EEPD1: variants seen among roughly 807,000 people sequenced by gnomAD.
EEPD1 encodes endonuclease/exonuclease/phosphatase family domain containing 1.
In EEPD1, 17 loss-of-function variants were observed where a neutral mutation model predicts 46.3. That is an observed-to-expected ratio of 0.37 (90% CI 0.25 to 0.55). EEPD1 has a LOEUF of 0.55. EEPD1 is among the 20% of genes least tolerant of loss of function. The pLI is 0.83. For missense variants in EEPD1, 673 were observed against 745.6 expected (o/e 0.90, Z 1.13); for synonymous variants, 313 against 315.6 (o/e 0.99, Z 0.09).
intron 2 of EEPD1, among the ~76,000 whole-genome samples, chr7:36,174,154 G>A (rs532422034): frequency 7.9e-5 from 12 of 152,256 alleles, no homozygotes; most frequent in Admixed American, 1.3e-4. Flanking sequence ...TGCTGCAGTC[G>A]GGTCCTTACC....
At chr7:36,183,888 T>TTTTTTTTTTTTTTG (rs3053348) in intron 2 of EEPD1, among the ~76,000 whole-genome samples, 10 of 135,474 alleles carry the variant, frequency 7.4e-5, no homozygotes, top group Non-Finnish European at 1.2e-4. Context: ...TTTTTTTTTT[T>TTTTTTTTTTTTTTG]ATTTTTAAAA....
chr7:36,255,880 T>C (rs751111179), intron 3 of EEPD1, among the ~76,000 whole-genome samples: 2 of 152,200 alleles, frequency 1.3e-5, no homozygotes, highest in African/African-American at 2.4e-5. Flanking sequence ...TTTGAATTTG[T>C]TTGCTCATGC....
chr7:36,223,540 G>A (rs1054098228), intron 2 of EEPD1, among the ~76,000 whole-genome samples: 1 of 152,012 alleles, frequency 6.6e-6, no homozygotes, highest in South Asian at 2.1e-4. Flanking sequence ...CCCTATCTCT[G>A]GTGTTGAGAA....
chr7:36,247,122 C>CA lies in EEPD1; in HGVS notation c.930+8103dup, dbSNP rs35947069. Among the ~76,000 whole-genome samples, 119 of 107,192 alleles carry CA rather than the reference C, an allele frequency of 1.1e-3. 1 individual carries two copies. In the East Asian group the frequency reaches 0.012, roughly 11 times the overall value. The allele number at this position is 107,192 out of a possible 152,430, so 70.3% of individuals were successfully genotyped here. On this transcript the variant is annotated intron_variant, in intron 3 of 7. Transcript: ENST00000242108. ...TGGGTGACAGAGTGAGACTCCATCT[C>CA]AAAAAAAAAAAAAAAAAGAAAAGAA... is the stretch of plus-strand genomic sequence containing the variant.
chr7:36,271,082 G>A (rs1281800058), intron 3 of EEPD1, among the ~76,000 whole-genome samples: 1 of 151,962 alleles, frequency 6.6e-6, no homozygotes, highest in Non-Finnish European at 1.5e-5. Context: ...TGCTTCCCAG[G>A]TTCAAGCCAT....
chr7:36,237,462 G>A (rs751999609), intron 2 of EEPD1, among the ~76,000 whole-genome samples: 1 of 152,048 alleles, frequency 6.6e-6, no homozygotes, highest in Non-Finnish European at 1.5e-5. Context: ...TTATCCCAAA[G>A]TGAAATTCCA....
intron 2 of EEPD1, among the ~76,000 whole-genome samples, chr7:36,166,933 G>A (rs1583782449): frequency 6.6e-6 from 1 of 152,118 alleles, no homozygotes; most frequent in African/African-American, 2.4e-5. Flanking sequence ...CAGACTGGGG[G>A]GCTTCAACCA....
Position 36,225,336 on chromosome 7 carries a change from A to G in EEPD1, c.879-13649A>G, listed in dbSNP as rs1414555922. On this transcript the variant is annotated intron_variant, in intron 2 of 7. Coordinates refer to ENST00000242108, the MANE Select transcript of EEPD1 (RefSeq NM_030636.3). This position sits in a 1 kb window ranked among gnomAD's most constrained non-coding sequence, Gnocchi z 4.2. ...CAAGAGACAGGGTTATACATGTGGA[A>G]GATGGAACTGACCACCCACATTCAG... Among the ~76,000 whole-genome samples, 1 of 152,222 alleles carries G rather than the reference A, an allele frequency of 6.6e-6. No individual in the cohort carries two copies. Among genetic ancestry groups the G allele is most frequent in the African/African-American group, 2.4e-5 (1 of 41,454 alleles).
At chr7:36,277,463 G>T (rs993814846) in intron 3 of EEPD1, among the ~76,000 whole-genome samples, 1 of 152,306 alleles carries the variant, frequency 6.6e-6, no homozygotes, top group Admixed American at 6.5e-5. Context: ...AGCTCAACTG[G>T]GGTCTTGAGA....
intron 3 of EEPD1, among the ~76,000 whole-genome samples, chr7:36,239,289 G>A (rs1244658701): frequency 6.6e-6 from 1 of 152,138 alleles, no homozygotes; most frequent in Non-Finnish European, 1.5e-5. Flanking sequence ...GCAGAGGCCC[G>A]TGCTGCAAGG....
At chr7:36,186,159 C>T (rs1785357035) in intron 2 of EEPD1, among the ~76,000 whole-genome samples, 1 of 152,154 alleles carries the variant, frequency 6.6e-6, no homozygotes, top group Non-Finnish European at 1.5e-5. Flanking sequence ...GCAGACTAGA[C>T]TTTGTTGGCA....
intron 3 of EEPD1, among the ~76,000 whole-genome samples, chr7:36,262,148 T>G (rs1786935773): frequency 6.6e-6 from 1 of 152,206 alleles, no homozygotes; most frequent in African/African-American, 2.4e-5. Context: ...CTGCCCTACC[T>G]AACTCTTGTC....
At chr7:36,161,825 T>A (rs978817158) in intron 2 of EEPD1, among the ~76,000 whole-genome samples, 3 of 150,718 alleles carry the variant, frequency 2.0e-5, no homozygotes, top group African/African-American at 4.9e-5. Flanking sequence ...GCCCAGAAAT[T>A]CAAGGTTGTG....
chr7:36,195,438 G>C (rs1785562255), intron 2 of EEPD1, among the ~76,000 whole-genome samples: 1 of 152,232 alleles, frequency 6.6e-6, no homozygotes, highest in Admixed American at 6.5e-5. Context: ...AAAAGAAGTA[G>C]AGAAAGCCAT....
rs553844659 is a variant in EEPD1, at chr7:36,299,152, C to T, written c.1656C>T (p.Asn552=). Residue 552 remains asparagine, a synonymous_variant, in exon 8 of 8, where the codon AAC becomes AAT. Transcript: ENST00000242108. ...KDWSKKDAPR[N]GSGVALERSE... The stretch of plus-strand genomic sequence containing the variant: ...GGAGCAAGAAGGATGCCCCTCGGAA[C>T]GGCAGCGGGGTGGCCTTGGAGCGAA... 1.7e-5 allele frequency: 27 copies of T among 1,611,682 alleles called. No homozygotes were observed. Among genetic ancestry groups the T allele is most frequent in the Middle Eastern group, 1.6e-4 (1 of 6,078 alleles).
At chr7:36,289,554 G>A (rs1003809323) in intron 6 of EEPD1, among the ~76,000 whole-genome samples, 5 of 152,228 alleles carry the variant, frequency 3.3e-5, no homozygotes, top group African/African-American at 1.2e-4. Context: ...GAGTGCAGAG[G>A]CACGATCTCG....
Position 36,287,763 on chromosome 7 carries a change from A to C in EEPD1, c.1301A>C (p.Gln434Pro). ...HRLASFAQTL[Q>P]ETLKGEKDVI... is the part of the protein sequence containing the mutation. ...TTGGCGAGCTTTGCACAGACCCTAC[A>C]GGAAACCCTGAAAGGTAGGACATTG... Residue 434 changes from glutamine to proline, a missense_variant, in exon 6 of 8, where the codon CAG becomes CCG. Coordinates refer to ENST00000242108, the MANE Select transcript of EEPD1 (RefSeq NM_030636.3). The C allele has an allele frequency of 1.2e-6, 2 of 1,613,968 alleles. No homozygotes were observed. Among genetic ancestry groups the C allele is most frequent in the South Asian group, 1.1e-5 (1 of 91,070 alleles).
chr7:36,292,150 T>G (rs922401064), intron 6 of EEPD1, among the ~76,000 whole-genome samples: 1 of 152,146 alleles, frequency 6.6e-6, no homozygotes, highest in Non-Finnish European at 1.5e-5. Context: ...TACATGTGAG[T>G]GCCCCGTGCC....
At chr7:36,287,145 G>A (rs866200655) in intron 5 of EEPD1, among the ~76,000 whole-genome samples, 1 of 142,826 alleles carries the variant, frequency 7.0e-6, no homozygotes, top group African/African-American at 2.6e-5. Flanking sequence ...GCTGAGGCAG[G>A]AGAATCACTT....
Sources: gnomAD v4.1 joint callset for allele counts (sites outside exome capture counted in the v4.1 genomes callset) on GRCh38, gnomAD v4.1.1 for gene constraint, Gnocchi (gnomAD v3.1) non-coding constraint, MANE v1.5 for transcripts, NCBI Gene and HGNC (gene_info 2026-07-23, HGNC 2026-07-21) for gene names.